The following FER1L5 variants were observed in gnomAD, a reference collection of about 807,000 sequenced individuals.
FER1L5 encodes the protein fer-1 like family member 5, also known as fer-1-like protein 5.
In FER1L5, 187 loss-of-function variants were observed where a neutral mutation model predicts 279.9. That is an observed-to-expected ratio of 0.67 (90% CI 0.59 to 0.75). The LOEUF (loss-of-function observed/expected upper bound fraction) is 0.75, where lower values mean the gene tolerates loss of function less well. FER1L5 is among the 30% of genes least tolerant of loss of function. FER1L5 has a pLI of 0.00. For missense variants in FER1L5, 2,091 were observed against 2,594.4 expected, an observed-to-expected ratio of 0.81 and a Z score of 4.21; for synonymous variants, 921 against 989.7, an observed-to-expected ratio of 0.93 and a Z score of 1.30.
chr2:96,690,589 G>A lies in FER1L5; in HGVS notation c.2743G>A (p.Gly915Ser), dbSNP rs1381009755. 1.3e-6 allele frequency: 2 copies of A among 1,551,502 alleles called. No individual in the cohort carries two copies. The highest frequency in any genetic ancestry group is 4.9e-5 in the East Asian group (2 of 40,916). ...VELNHAVDSK[G>S]WEYGVGIPPS... The stretch of plus-strand genomic sequence containing the variant: ...GCTGAACCACGCAGTGGACAGTAAG[G>A]GTCAGTCGTTTGGTCAGGGTTGGGA... Residue 915 changes from glycine (G) to serine (S), a missense_variant and splice_region_variant, in exon 27 of 53, where the codon GGC becomes AGC. By Grantham distance (56) the Gly-to-Ser change is moderately conservative (BLOSUM62 0). Coordinates refer to ENST00000624922, the MANE Select transcript of FER1L5 (RefSeq NM_001293083.2).
intron 19 of FER1L5, among the ~76,000 whole-genome samples, chr2:96,675,232 T>C (rs2076468676): frequency 6.6e-6 from 1 of 152,166 alleles, no homozygotes; most frequent in Non-Finnish European, 1.5e-5. Flanking sequence ...ATAATTTTGT[T>C]ATAAACATTC....
intron 1 of FER1L5, 40 bp downstream of exon 1, chr2:96,642,961 C>T (rs1209994342): frequency 1.3e-6 from 2 of 1,513,746 alleles, no homozygotes; most frequent in Admixed American, 2.2e-5. Flanking sequence ...AGAGAAGCCC[C>T]CAGAGGCAAC....
At chr2:96,672,389 T>G (rs10427212) in intron 18 of FER1L5, among the ~76,000 whole-genome samples, 1 of 152,062 alleles carries the variant, frequency 6.6e-6, no homozygotes. Flanking sequence ...AAAGTAAATT[T>G]TTTTAACGTG....
chr2:96,668,804 C>T lies in FER1L5; in HGVS notation c.1184+10C>T, dbSNP rs1447824992. 6.4e-7 allele frequency: 1 copy of T among 1,551,698 alleles called. No individual in the cohort carries two copies. The highest frequency in any genetic ancestry group is 8.7e-7 in the Non-Finnish European group (1 of 1,146,998). ...TCAGAGTCTTGGACTGGTGAGCAAC[C>T]TGGTGGAGGCTGAAGCACACAGGGA... On this transcript the variant is annotated intron_variant, in intron 15 of 52. Transcript: ENST00000624922.
In FER1L5 at chr2:96,699,968, A is replaced by G. The variant is rs1311026723; in HGVS notation, c.4818A>G (p.Pro1606=). The G allele has an allele frequency of 3.7e-6, 6 of 1,613,726 alleles. No homozygotes were observed. The highest frequency in any genetic ancestry group is 5.1e-6 in the Non-Finnish European group (6 of 1,179,832). ...GPFRWRDQMP[P]SYLLERYAKR... Reference sequence around the variant, plus strand: ...TTAGATGGCGGGATCAGATGCCCCCAAGCTACCTCCTAGAACGCTATGCCA... The same window carrying G: ...TTAGATGGCGGGATCAGATGCCCCCGAGCTACCTCCTAGAACGCTATGCCA... The change falls in exon 44 of 53, where the codon CCA becomes CCG. Residue 1606 remains proline (P), a synonymous_variant. Transcript: ENST00000624922.
chr2:96,695,431 A>G, intron 34 of FER1L5, 78 bp from the exon 35 acceptor site: 1 of 1,486,316 alleles, frequency 6.7e-7, no homozygotes, highest in African/African-American at 1.4e-5. Context: ...ATTGCCCCTC[A>G]GCCCCCTTCT....
intron 9 of FER1L5, among the ~76,000 whole-genome samples, chr2:96,658,408 C>G (rs571612178): frequency 6.6e-6 from 1 of 151,240 alleles, no homozygotes; most frequent in South Asian, 2.1e-4. Flanking sequence ...CCTCTGCCTC[C>G]CGGGTTCAAG....
intron 14 of FER1L5, among the ~76,000 whole-genome samples, chr2:96,663,844 A>G (rs145275717): frequency 3.2e-3 from 487 of 152,190 alleles, no homozygotes; most frequent in Non-Finnish European, 5.2e-3. Context: ...AGAGTTTGAG[A>G]CCAGCCTGGA....
At chr2:96,648,252 G>A (rs995686464) in intron 4 of FER1L5, among the ~76,000 whole-genome samples, 2 of 152,230 alleles carry the variant, frequency 1.3e-5, no homozygotes, top group African/African-American at 4.8e-5. Context: ...GTCTCAGGAG[G>A]TCATGGACAG....
rs1437957484 is a variant in FER1L5, at chr2:96,669,036, C to T, written c.1268-7C>T. 1 of 1,551,620 alleles carries T rather than the reference C, an allele frequency of 6.4e-7. No homozygotes were observed. Among genetic ancestry groups the T allele is most frequent in the Non-Finnish European group, 8.7e-7 (1 of 1,147,016 alleles). On this transcript the variant is annotated splice_polypyrimidine_tract_variant and splice_region_variant and intron_variant, in intron 16 of 52. Coordinates refer to ENST00000624922, the MANE Select transcript of FER1L5 (RefSeq NM_001293083.2). ...CGCCCGACCCTTCTCACTCTCTCTCCTTCCAGGAGTGTACTCCGGCTTCCT... is the reference window on the plus strand; with the variant it reads ...CGCCCGACCCTTCTCACTCTCTCTCTTTCCAGGAGTGTACTCCGGCTTCCT...
chr2:96,653,722 C>T lies in FER1L5; in HGVS notation c.696+20C>T, dbSNP rs1465254100. 6.5e-7 allele frequency: 1 copy of T among 1,545,564 alleles called. No homozygotes were observed. Among genetic ancestry groups the T allele is most frequent in the Non-Finnish European group, 8.8e-7 (1 of 1,142,554 alleles). Reference sequence around the variant, plus strand: ...ATCCAGGTGAGGAGCCAAACTGGTCCCCAGCAAGGTGGGTTTCTTGTCCCA... The same window carrying T: ...ATCCAGGTGAGGAGCCAAACTGGTCTCCAGCAAGGTGGGTTTCTTGTCCCA... On this transcript the variant is annotated intron_variant, in intron 8 of 52. Coordinates refer to ENST00000624922, the MANE Select transcript of FER1L5 (RefSeq NM_001293083.2).
In FER1L5 at chr2:96,704,726, C is replaced by A; in HGVS notation, c.*34C>A. The A allele has an allele frequency of 6.4e-7, 1 of 1,553,440 alleles. No homozygotes were observed. Among genetic ancestry groups the A allele is most frequent in the Non-Finnish European group, 8.9e-7 (1 of 1,125,916 alleles). ...TGCTGCCTGGCTTTCCTCCTGCTAC[C>A]AACAGCCCTCCCCTTGGGCTGGCTA... On this transcript the variant is annotated 3_prime_UTR_variant, in exon 53 of 53. Coordinates refer to ENST00000624922, the MANE Select transcript of FER1L5 (RefSeq NM_001293083.2).
chr2:96,696,447 C>G (rs1272251776), intron 37 of FER1L5, among the ~76,000 whole-genome samples: 1 of 152,120 alleles, frequency 6.6e-6, no homozygotes, highest in Non-Finnish European at 1.5e-5. Context: ...TGCCCGCCAC[C>G]ACGCACGGCT....
rs1483237388 is a variant in FER1L5 at position 96,668,767 on chromosome 2, G to C, written c.1157G>C (p.Ser386Thr). 2 of 1,551,602 alleles carry C rather than the reference G, an allele frequency of 1.3e-6. No individual in the cohort carries two copies. Among genetic ancestry groups the C allele is most frequent in the Admixed American group, 3.9e-5 (2 of 50,996 alleles). ...CCTCCACAGCTACCCTGCCTCTCCA[G>C]CTACATCAAGTTCAGAGTCTTGGAC... ...TFRIQLPCLSSYIKFRVLDCR... is the reference protein window; with the variant it reads ...TFRIQLPCLSTYIKFRVLDCR... Residue 386 changes from serine to threonine, a missense_variant, in exon 15 of 53, where the codon AGC (serine) becomes ACC (threonine). Physicochemically the swap from Ser to Thr is moderately conservative, Grantham distance 58. Coordinates refer to ENST00000624922, the MANE Select transcript of FER1L5 (RefSeq NM_001293083.2).
chr2:96,690,616 C>G, intron 27 of FER1L5, 27 bp downstream of exon 27: 1 of 1,539,586 alleles, frequency 6.5e-7, no homozygotes, highest in Non-Finnish European at 8.8e-7. Flanking sequence ...GGGTTGGGAT[C>G]GGGAGAGACC....
intron 19 of FER1L5, among the ~76,000 whole-genome samples, chr2:96,676,945 G>A (rs1347676493): frequency 6.6e-6 from 1 of 152,098 alleles, no homozygotes; most frequent in Non-Finnish European, 1.5e-5. Flanking sequence ...GGGTTCAAGT[G>A]ATACTCCTGC....
intron 31 of FER1L5, among the ~76,000 whole-genome samples, chr2:96,692,993 T>C (rs989711592): frequency 2.6e-5 from 4 of 151,944 alleles, no homozygotes; most frequent in African/African-American, 4.8e-5. Flanking sequence ...CTGGCCAACA[T>C]GGTGAAACCC....
chr2:96,669,094 A>T lies in FER1L5; in HGVS notation c.1319A>T (p.His440Leu), dbSNP rs770994737. Residue 440 changes from histidine to leucine, a missense_variant, in exon 17 of 53, where the codon CAT becomes CTT. Coordinates refer to ENST00000624922, the MANE Select transcript of FER1L5 (RefSeq NM_001293083.2). ...TTTGGCCCCAGCTTCCTGACTCTGC[A>T]TGGGGGTAAAAAGGCCCCTTTCAGG... is the stretch of plus-strand genomic sequence containing the variant. ...PCFGPSFLTL[H>L]GGKKAPFRIQ... The T allele has an allele frequency of 2.6e-5, 40 of 1,551,420 alleles. No individual in the cohort carries two copies. The highest frequency in any genetic ancestry group is 6.1e-6 in the Non-Finnish European group (7 of 1,146,970).
At chr2:96,659,288 GCTTTCCTTCCTTCCTTCCTT>G (rs1421082210) in intron 9 of FER1L5, among the ~76,000 whole-genome samples, 10 of 100,086 alleles carry the variant, frequency 1.0e-4, no homozygotes, top group African/African-American at 3.5e-4. Context: ...AATTTATCAA[GCTTTCCTTCCTTCCTTCCTT>G]CCTTCCTTCC....
Sources: allele counts gnomAD v4.1 joint callset (sites outside exome capture counted in the v4.1 genomes callset), GRCh38; gene constraint gnomAD v4.1.1; transcripts MANE v1.5; gene names NCBI Gene and HGNC (gene_info 2026-07-23, HGNC 2026-07-21).